The following GRAPL variants were observed in gnomAD, a reference collection of about 807,000 sequenced individuals.
GRAPL encodes the protein GRB2 related adaptor protein like, also known as GRB2-related adapter protein-like.
At chr17:19,144,615 G>A (rs1232465797) in intron 3 of GRAPL, among the ~76,000 whole-genome samples, 1 of 137,142 alleles carries the variant, frequency 7.3e-6, no homozygotes, top group Non-Finnish European at 1.5e-5. Flanking sequence ...CCACTGAAGT[G>A]AATGGCTCCA....
intron 3 of GRAPL, among the ~76,000 whole-genome samples, chr17:19,149,306 G>C (rs2044719835): frequency 1.3e-5 from 1 of 78,192 alleles, no homozygotes; most frequent in Admixed American, 1.9e-4. Flanking sequence ...TCCAGCCTGG[G>C]CAACAGAGCA....
chr17:19,147,020 T>G (rs1354219486), intron 3 of GRAPL, among the ~76,000 whole-genome samples: 2 of 102,078 alleles, frequency 2.0e-5, no homozygotes, highest in Non-Finnish European at 3.5e-5. Context: ...GGTAGGGGTG[T>G]GTGTGTGTGT....
intron 3 of GRAPL, among the ~76,000 whole-genome samples, chr17:19,148,847 G>T (rs2044712123): frequency 8.4e-6 from 1 of 118,686 alleles, no homozygotes; most frequent in South Asian, 4.2e-4. Flanking sequence ...GGCGGAGCTT[G>T]CAGTGAGCCG....
intron 3 of GRAPL, chr17:19,144,294 C>A: frequency 2.8e-6 from 1 of 358,354 alleles, no homozygotes; most frequent in South Asian, 2.2e-5. Context: ...GCTGCTGCTG[C>A]TGCTGCTGCT....
intron 3 of GRAPL, among the ~76,000 whole-genome samples, chr17:19,149,328 CAAAAAAAAAAAAA>C (rs1169593968): frequency 1.6e-4 from 2 of 12,644 alleles, no homozygotes; most frequent in Non-Finnish European, 2.1e-4. Context: ...GACTCTGTCT[CAAAAAAAAAAAAA>C]AAAAAAAAAA....
chr17:19,147,059 G>GCA (rs2044700327), intron 3 of GRAPL, among the ~76,000 whole-genome samples: 1 of 127,466 alleles, frequency 7.8e-6, no homozygotes, highest in African/African-American at 3.4e-5. Context: ...GTGCGCGCGC[G>GCA]CGCGCGTGCA....
rs1418290924 is a variant in GRAPL at position 19,149,119 on chromosome 17, G to C, written c.300-9200G>C. Among the ~76,000 whole-genome samples, 2 of 103,198 alleles carry C rather than the reference G, an allele frequency of 1.9e-5. 1 individual carries two copies. The highest frequency in any genetic ancestry group is 7.5e-5 in the African/African-American group (2 of 26,656). 67.7% of individuals were successfully genotyped at this position (103,198 alleles called of 152,430 possible). ...CCGAGGAGGGTGGATCACAAGGTCAGGAGTTTGAGACCATCCTGGCCAAGA... is the reference window on the plus strand; with the variant it reads ...CCGAGGAGGGTGGATCACAAGGTCACGAGTTTGAGACCATCCTGGCCAAGA... On this transcript the variant is annotated intron_variant, in intron 3 of 3. Transcript: ENST00000344415.
intron 1 of GRAPL, among the ~76,000 whole-genome samples, chr17:19,128,698 CT>C (rs1346026474): frequency 2.7e-5 from 4 of 147,064 alleles, no homozygotes; most frequent in South Asian, 2.2e-4. Flanking sequence ...ACCCGTGTCC[CT>C]TTGGCTGTGG....
At chr17:19,149,328 CAAAAAAA>C (rs1169593968) in intron 3 of GRAPL, among the ~76,000 whole-genome samples, 261 of 12,612 alleles carry the variant, frequency 0.021, 6 homozygotes, top group African/African-American at 0.031. Context: ...GACTCTGTCT[CAAAAAAA>C]AAAAAAAAAA....
intron 3 of GRAPL, among the ~76,000 whole-genome samples, chr17:19,144,412 C>T (rs2044686645): frequency 1.6e-5 from 2 of 123,270 alleles, no homozygotes; most frequent in African/African-American, 6.1e-5. Flanking sequence ...GTCAGCCTAG[C>T]CCCTTGTTCC....
In GRAPL at chr17:19,147,052, C is replaced by T. The variant is rs1220034147; in HGVS notation, c.299+8464C>T. Reference sequence around the variant, plus strand: ...GTGTGTGTGTGTGTGTGTGTGTGTGCGCGCGCGCGCGCGTGCATGTGTCCC... The same window carrying T: ...GTGTGTGTGTGTGTGTGTGTGTGTGTGCGCGCGCGCGCGTGCATGTGTCCC... On this transcript the variant is annotated intron_variant, in intron 3 of 3. Transcript: ENST00000344415. 2.4e-3 allele frequency among the ~76,000 whole-genome samples: 255 copies of T among 106,122 alleles called. 13 individuals are homozygous for T. Among genetic ancestry groups the T allele is most frequent in the Middle Eastern group, 0.014 (3 of 212 alleles). 69.6% of individuals were successfully genotyped at this position (106,122 alleles called of 152,430 possible).
chr17:19,149,328 CAAAAAAAAAAA>C (rs1169593968), intron 3 of GRAPL, among the ~76,000 whole-genome samples: 2 of 12,644 alleles, frequency 1.6e-4, no homozygotes, highest in Non-Finnish European at 1.0e-4. Context: ...GACTCTGTCT[CAAAAAAAAAAA>C]AAAAAAAAAA....
intron 3 of GRAPL, among the ~76,000 whole-genome samples, chr17:19,147,016 GGTGT>G (rs764286470): frequency 0.057 from 5,603 of 98,472 alleles, 588 homozygotes; most frequent in Non-Finnish European, 0.057. Flanking sequence ...GAGAGGTAGG[GGTGT>G]GTGTGTGTGT....
At chr17:19,149,312 G>C (rs1443823494) in intron 3 of GRAPL, among the ~76,000 whole-genome samples, 3 of 70,314 alleles carry the variant, frequency 4.3e-5, no homozygotes, top group East Asian at 3.6e-3. Context: ...CTGGGCAACA[G>C]AGCAAGACTC....
At chr17:19,146,642 CAAA>C (rs768248780) in intron 3 of GRAPL, among the ~76,000 whole-genome samples, 1 of 51,454 alleles carries the variant, frequency 1.9e-5, no homozygotes, top group African/African-American at 9.6e-5. Context: ...GACTCCGTCT[CAAA>C]AAAAAAAAAA....
At chr17:19,144,478 C>T (rs940666022) in intron 3 of GRAPL, among the ~76,000 whole-genome samples, 3 of 141,408 alleles carry the variant, frequency 2.1e-5, no homozygotes, top group South Asian at 5.2e-4. Context: ...CATGATTGCT[C>T]AGTGAGAGAC....
intron 3 of GRAPL, among the ~76,000 whole-genome samples, chr17:19,148,963 G>C (rs2044714653): frequency 7.6e-6 from 1 of 132,060 alleles, no homozygotes; most frequent in Non-Finnish European, 1.6e-5. Context: ...TCCTCCGCTG[G>C]GCTAGAAGGT....
chr17:19,130,808 A>AT (rs1218955139), intron 1 of GRAPL, among the ~76,000 whole-genome samples: 2 of 56,002 alleles, frequency 3.6e-5, no homozygotes, highest in Non-Finnish European at 5.5e-5. Context: ...AGCAGACAGA[A>AT]TGTTCTGGAG....
At chr17:19,148,788 GT>G (rs1233196752) in intron 3 of GRAPL, among the ~76,000 whole-genome samples, 1 of 92,832 alleles carries the variant, frequency 1.1e-5, no homozygotes, top group African/African-American at 3.9e-5. Flanking sequence ...GGCGCCTGTA[GT>G]CCCAGCTACT....
Sources: gnomAD v4.1 joint callset for allele counts (sites outside exome capture counted in the v4.1 genomes callset) on GRCh38, gnomAD v4.1.1 for gene constraint, MANE v1.5 for transcripts, NCBI Gene and HGNC (gene_info 2026-07-23, HGNC 2026-07-21) for gene names.